COG6: variants seen among roughly 807,000 people sequenced by gnomAD.
The protein encoded by COG6 is conserved oligomeric Golgi complex subunit 6.
A neutral mutation model predicts 88.8 loss-of-function variants in COG6; 74 were observed. That is an observed-to-expected ratio of 0.83 (90% CI 0.69 to 1.01). The LOEUF is 1.01. Among genes scored for constraint, COG6 ranks in the 50% least tolerant of loss-of-function variants. The pLI, the probability that COG6 is intolerant of heterozygous loss-of-function variation, is 0.00. For synonymous variants in COG6, 286 were observed against 278.7 expected, an observed-to-expected ratio of 1.03 and a Z score of -0.26; for missense variants, 800 against 797.9, an observed-to-expected ratio of 1.00 and a Z score of -0.03.
At chr13:39,656,692 A>G in intron 1 of COG6, 1 of 364,020 alleles carries the variant, frequency 2.7e-6, no homozygotes, top group South Asian at 2.2e-5. Flanking sequence ...TGATTCCGAT[A>G]TGTAAAAAAA....
intron 13 of COG6, among the ~76,000 whole-genome samples, chr13:39,705,161 G>T (rs1306218900): frequency 6.6e-6 from 1 of 152,126 alleles, no homozygotes; most frequent in Non-Finnish European, 1.5e-5. Context: ...CACCCAAGTG[G>T]AAATTTTTGT....
In COG6 at chr13:39,687,426, T is replaced by C. The variant is rs545283571; in HGVS notation, c.789-77T>C. On this transcript the variant is annotated intron_variant, in intron 8 of 18. Coordinates refer to ENST00000455146, the MANE Select transcript of COG6 (RefSeq NM_020751.3). ...AGTGCTTTTTAAGTACTTGGTTGTC[T>C]CAGAAATTGCGTGAATAGTCTGATA... 4.6e-5 allele frequency: 62 copies of C among 1,346,404 alleles called. No individual in the cohort carries two copies. The East Asian group carries it at 1.3e-3, about 28-fold the overall frequency. The allele number at this position is 1,346,404 out of a possible 1,614,324, so 83.4% of individuals were successfully genotyped here. A position where few individuals can be genotyped will look rare whatever the true frequency, so the allele number is the denominator to read the frequency against.
At chr13:39,683,661 C>T (rs1388359066) in intron 8 of COG6, among the ~76,000 whole-genome samples, 1 of 151,902 alleles carries the variant, frequency 6.6e-6, no homozygotes, top group Non-Finnish European at 1.5e-5. Flanking sequence ...AGTCTTTTAG[C>T]ACTTAAAACA....
At chr13:39,704,190 TA>T (rs1015859999) in intron 13 of COG6, among the ~76,000 whole-genome samples, 1 of 152,176 alleles carries the variant, frequency 6.6e-6, no homozygotes, top group Admixed American at 6.6e-5. Flanking sequence ...ATTAGTCATG[TA>T]AAAGTTAAAA....
chr13:39,753,324 A>G (rs938998810), downstream of COG6, among the ~76,000 whole-genome samples: 6 of 152,154 alleles, frequency 3.9e-5, no homozygotes, highest in South Asian at 4.1e-4. Context: ...CTAGACACCA[A>G]ATCTTTTGGT....
At chr13:39,737,053 G>A (rs1445897339) in intron 18 of COG6, among the ~76,000 whole-genome samples, 2 of 152,174 alleles carry the variant, frequency 1.3e-5, no homozygotes, top group Admixed American at 6.5e-5. Flanking sequence ...AAGCCCTGTG[G>A]CTCTTGCAGA....
At chr13:39,749,496 G>C (rs1880511850) in intron 18 of COG6, among the ~76,000 whole-genome samples, 1 of 152,186 alleles carries the variant, frequency 6.6e-6, no homozygotes, top group South Asian at 2.1e-4. Context: ...AAGCTGTTGG[G>C]ATCTGAACAT....
chr13:39,714,968 A>G (rs1240932901), intron 13 of COG6, among the ~76,000 whole-genome samples: 1 of 152,120 alleles, frequency 6.6e-6, no homozygotes, highest in African/African-American at 2.4e-5. Flanking sequence ...GAAGCCAAAA[A>G]CTGTATGTTC....
At chr13:39,763,781 T>G (rs1881090119) in intron 18 of COG6, among the ~76,000 whole-genome samples, 1 of 151,824 alleles carries the variant, frequency 6.6e-6, no homozygotes, top group Non-Finnish European at 1.5e-5. Flanking sequence ...CATAATGTAC[T>G]ATCCTTTTTA....
At chr13:39,671,841 G>GA (rs971236453) in intron 4 of COG6, among the ~76,000 whole-genome samples, 6 of 150,734 alleles carry the variant, frequency 4.0e-5, no homozygotes, top group South Asian at 2.1e-4. Flanking sequence ...TCAGTCACCA[G>GA]AAAAAAAAAT....
At chr13:39,787,580 A>T (rs953305254) in intron 18 of COG6, among the ~76,000 whole-genome samples, 2 of 152,148 alleles carry the variant, frequency 1.3e-5, no homozygotes, top group African/African-American at 2.4e-5. Context: ...GATTCACCTT[A>T]TTTGTTAAGT....
chr13:39,656,296 G>A, intron 1 of COG6: 1 of 430,996 alleles, frequency 2.3e-6, no homozygotes, highest in Non-Finnish European at 4.7e-6. Context: ...TGGGGGTCGG[G>A]AGACCAAGAG....
At position 39,751,221 on chromosome 13, in the gene COG6, C is replaced by T; in HGVS notation, c.*128C>T. 6.6e-7 allele frequency: 1 copy of T among 1,518,126 alleles called. No individual in the cohort carries two copies. The highest frequency in any genetic ancestry group is 8.8e-7 in the Non-Finnish European group (1 of 1,137,512). The allele number at this position is 1,518,126 out of a possible 1,614,324, so 94.0% of individuals were successfully genotyped here. A position where few individuals can be genotyped will look rare whatever the true frequency, so the allele number is the denominator to read the frequency against. On this transcript the variant is annotated 3_prime_UTR_variant, in exon 19 of 19. Coordinates refer to ENST00000455146, the MANE Select transcript of COG6 (RefSeq NM_020751.3). ...TCTTTGTATCATAAGATTGTAAGTC[C>T]CGATAATTTTTTTTTTTTTGGTCTC... is the stretch of plus-strand genomic sequence containing the variant.
intron 18 of COG6, among the ~76,000 whole-genome samples, chr13:39,728,460 T>C (rs932675575): frequency 7.2e-6 from 1 of 138,072 alleles, no homozygotes; most frequent in Non-Finnish European, 1.6e-5. Flanking sequence ...TGGCTGGAAA[T>C]CTATGGACCA....
chr13:39,684,243 A>ATTTTTTTTTTTTTTTTTTT lies in COG6; in HGVS notation c.788+1986_788+2004dup, dbSNP rs1203671335. On this transcript the variant is annotated intron_variant, in intron 8 of 18. Coordinates refer to ENST00000455146, the MANE Select transcript of COG6 (RefSeq NM_020751.3). ...GGGGGCAGTAATGGCAATTTGGAAG[A>ATTTTTTTTTTTTTTTTTTT]TTTTTTTTTTTTTTTTTTTTTTTTT... 3.7e-4 allele frequency among the ~76,000 whole-genome samples: 25 copies of ATTTTTTTTTTTTTTTTTTT among 67,390 alleles called. 3 individuals carry two copies. The highest frequency in any genetic ancestry group is 6.0e-4 in the East Asian group (1 of 1,672). The allele number at this position is 67,390 out of a possible 152,430, so 44.2% of individuals were successfully genotyped here.
chr13:39,757,770 CAAAA>C (rs1261921556), intron 18 of COG6, among the ~76,000 whole-genome samples: 2 of 152,104 alleles, frequency 1.3e-5, no homozygotes, highest in Non-Finnish European at 2.9e-5. Context: ...AGTCAGTAAT[CAAAA>C]AACTCCCAAC....
At chr13:39,680,926 A>G (rs536477385) in intron 7 of COG6, among the ~76,000 whole-genome samples, 17 of 152,302 alleles carry the variant, frequency 1.1e-4, no homozygotes, top group African/African-American at 4.1e-4. Flanking sequence ...TACTGCCTTA[A>G]TTTCATTTAC....
downstream of COG6, among the ~76,000 whole-genome samples, chr13:39,755,557 G>A (rs1004863347): frequency 2.0e-4 from 31 of 152,220 alleles, no homozygotes; most frequent in African/African-American, 6.8e-4. Context: ...GGAATGAGAT[G>A]TTCATAAGGA....
At chr13:39,677,303 T>C (rs1876030308) in intron 4 of COG6, among the ~76,000 whole-genome samples, 165 bp from the exon 5 acceptor site, 1 of 152,218 alleles carries the variant, frequency 6.6e-6, no homozygotes. Flanking sequence ...CACCTACATG[T>C]CTGATAAAAT....
Sources: allele counts gnomAD v4.1 joint callset (sites outside exome capture counted in the v4.1 genomes callset), GRCh38; gene constraint gnomAD v4.1.1; transcripts MANE v1.5; gene names NCBI Gene and HGNC (gene_info 2026-07-23, HGNC 2026-07-21).